B3GALT1: variants seen among roughly 807,000 people sequenced by gnomAD.
The protein encoded by B3GALT1 is beta-1,3-galactosyltransferase 1.
Under a neutral mutation model 23.2 loss-of-function variants are expected in B3GALT1, and 10 were observed. The ratio of observed to expected loss-of-function variants is 0.43; its 90% CI spans 0.27 to 0.73. The LOEUF is 0.73. Ranked by LOEUF, B3GALT1 falls within the 30% of genes least tolerant of loss-of-function variation. B3GALT1 has a pLI of 0.21. For missense variants in B3GALT1, 299 were observed against 405.4 expected, an observed-to-expected ratio of 0.74 and a Z score of 2.25; for synonymous variants, 156 against 141.5, an observed-to-expected ratio of 1.10 and a Z score of -0.73.
chr2:167,561,887 A>G (rs983334681), intron 2 of B3GALT1, among the ~76,000 whole-genome samples: 14 of 152,208 alleles, frequency 9.2e-5, no homozygotes, highest in African/African-American at 3.1e-4. Flanking sequence ...ACAAGGAGGA[A>G]CTGGTACCAT....
chr2:167,670,809 A>G (rs749217201), intron 3 of B3GALT1, among the ~76,000 whole-genome samples: 4 of 152,182 alleles, frequency 2.6e-5, no homozygotes, highest in Non-Finnish European at 5.9e-5. Context: ...AACAAAAGAA[A>G]GAATTTGTGA....
intron 3 of B3GALT1, among the ~76,000 whole-genome samples, chr2:167,687,526 G>T (rs1239365847): frequency 6.6e-6 from 1 of 151,850 alleles, no homozygotes; most frequent in African/African-American, 2.4e-5. Flanking sequence ...AGAGGGGCAA[G>T]GATTATATTT....
intron 1 of B3GALT1, among the ~76,000 whole-genome samples, chr2:167,440,778 T>C (rs1373884074): frequency 6.6e-6 from 1 of 152,160 alleles, no homozygotes; most frequent in Non-Finnish European, 1.5e-5. Context: ...TCTTATCTCA[T>C]AGTTTTTTAA....
At chr2:167,391,705 A>G (rs1448708277) in intron 1 of B3GALT1, among the ~76,000 whole-genome samples, 1 of 152,106 alleles carries the variant, frequency 6.6e-6, no homozygotes, top group African/African-American at 2.4e-5. Context: ...TTGCTTGTCT[A>G]TTAGAACTTT....
intron 2 of B3GALT1, among the ~76,000 whole-genome samples, chr2:167,627,454 T>G (rs552776364): frequency 6.6e-6 from 1 of 151,850 alleles, no homozygotes; most frequent in African/African-American, 2.4e-5. Context: ...GCATATTTCT[T>G]CTAGCATTAT....
chr2:167,467,243 C>G (rs995682783), intron 1 of B3GALT1, among the ~76,000 whole-genome samples: 2 of 151,976 alleles, frequency 1.3e-5, no homozygotes, highest in Non-Finnish European at 2.9e-5. Context: ...ACATCTTTAT[C>G]TGTGTTTAAC....
intron 2 of B3GALT1, among the ~76,000 whole-genome samples, chr2:167,612,986 G>A (rs1441238517): frequency 1.3e-5 from 2 of 151,918 alleles, no homozygotes; most frequent in African/African-American, 2.4e-5. Flanking sequence ...TAAATGTAGT[G>A]TTTTGTTCAA....
chr2:167,454,256 C>T (rs115751847), intron 1 of B3GALT1, among the ~76,000 whole-genome samples: 1,777 of 152,046 alleles, frequency 0.012, 40 homozygotes, highest in African/African-American at 0.041. Context: ...TGCACGTGCA[C>T]GTAAACCATA....
At position 167,512,650 on chromosome 2, in the gene B3GALT1, A is replaced by ATT. The variant is rs1351913159; in HGVS notation, c.-410+22376_-410+22377dup. ...TATATATATATACATATATATATAT[A>ATT]TTTTGAGATAGGGTCTCATTCAGTT... On this transcript the variant is annotated intron_variant, in intron 2 of 4. Coordinates refer to ENST00000392690, the MANE Select transcript of B3GALT1 (RefSeq NM_020981.4). Among the ~76,000 whole-genome samples the ATT allele has an allele frequency of 1.2e-3, 145 of 119,616 alleles. 5 individuals carry two copies. Among genetic ancestry groups the ATT allele is most frequent in the East Asian group, 6.2e-3 (21 of 3,414 alleles). 78.5% of individuals were successfully genotyped at this position (119,616 alleles called of 152,430 possible).
chr2:167,730,845 T>C (rs915165869), intron 3 of B3GALT1, among the ~76,000 whole-genome samples: 2 of 152,170 alleles, frequency 1.3e-5, no homozygotes, highest in African/African-American at 2.4e-5. Context: ...CAGTGGCAGG[T>C]ACTTTTAAAG....
chr2:167,621,894 A>G (rs1685266979), intron 2 of B3GALT1, among the ~76,000 whole-genome samples: 1 of 151,996 alleles, frequency 6.6e-6, no homozygotes, highest in Non-Finnish European at 1.5e-5. Flanking sequence ...CCATGACTGT[A>G]TGTTTCCTGA....
chr2:167,657,032 T>C (rs569945098), intron 3 of B3GALT1, among the ~76,000 whole-genome samples: 3 of 152,042 alleles, frequency 2.0e-5, no homozygotes, highest in African/African-American at 7.2e-5. Context: ...TAAAGGGCAA[T>C]GATAGGGGAA....
intron 2 of B3GALT1, among the ~76,000 whole-genome samples, chr2:167,640,546 AT>A (rs202240806): frequency 4.1e-5 from 3 of 74,000 alleles, no homozygotes; most frequent in African/African-American, 1.2e-4. Flanking sequence ...TGTAAGTTTG[AT>A]TTTTTTTTCC....
At chr2:167,399,106 A>T (rs1406005311) in intron 1 of B3GALT1, among the ~76,000 whole-genome samples, 1 of 152,170 alleles carries the variant, frequency 6.6e-6, no homozygotes, top group Non-Finnish European at 1.5e-5. Flanking sequence ...CATTTAATTG[A>T]GATGCCTTGG....
chr2:167,770,212 T>G (rs1688049953), intron 3 of B3GALT1, among the ~76,000 whole-genome samples: 1 of 152,190 alleles, frequency 6.6e-6, no homozygotes, highest in Admixed American at 6.5e-5. Flanking sequence ...GTTCAAGTGA[T>G]CCTCCCACCT....
intron 1 of B3GALT1, among the ~76,000 whole-genome samples, chr2:167,343,242 A>T (rs1240391991): frequency 2.0e-5 from 3 of 152,230 alleles, no homozygotes; most frequent in South Asian, 2.1e-4. Flanking sequence ...GGGGTCTGTT[A>T]TAGCCATTTA....
intron 1 of B3GALT1, among the ~76,000 whole-genome samples, chr2:167,429,577 A>C (rs573474658): frequency 8.7e-4 from 133 of 152,186 alleles, no homozygotes; most frequent in African/African-American, 3.1e-3. Flanking sequence ...ATTTTTTTTT[A>C]TTTAAAAGAA....
At chr2:167,671,778 A>G (rs1247630462) in intron 3 of B3GALT1, among the ~76,000 whole-genome samples, 4 of 151,974 alleles carry the variant, frequency 2.6e-5, no homozygotes, top group Admixed American at 1.3e-4. Context: ...GAAGGAAGGA[A>G]ATAATAAAGA....
chr2:167,557,913 G>C (rs573225510), intron 2 of B3GALT1, among the ~76,000 whole-genome samples: 3 of 152,282 alleles, frequency 2.0e-5, no homozygotes, highest in Admixed American at 6.5e-5. Flanking sequence ...CAAACTGTGA[G>C]ATTTCATCTA....
Sources: gnomAD v4.1 joint callset for allele counts (sites outside exome capture counted in the v4.1 genomes callset) on GRCh38, gnomAD v4.1.1 for gene constraint, MANE v1.5 for transcripts, NCBI Gene and HGNC (gene_info 2026-07-23, HGNC 2026-07-21) for gene names.